WDR70: variants seen among roughly 807,000 people sequenced by gnomAD.
The protein encoded by WDR70 is WD repeat domain 70, also known as WD repeat-containing protein 70.
Under a neutral mutation model 88.6 loss-of-function variants are expected in WDR70, and 53 were observed. The ratio of observed to expected loss-of-function variants is 0.60; its 90% CI spans 0.48 to 0.75. WDR70 has a LOEUF of 0.75. Ranked by LOEUF, WDR70 falls within the 30% of genes least tolerant of loss-of-function variation. The pLI is 0.00. For synonymous variants in WDR70, 280 were observed against 270.0 expected, an observed-to-expected ratio of 1.04 and a Z score of -0.36; for missense variants, 610 against 823.2, an observed-to-expected ratio of 0.74 and a Z score of 3.17.
chr5:37,699,640 T>C (rs543850820), intron 11 of WDR70, among the ~76,000 whole-genome samples: 3 of 152,130 alleles, frequency 2.0e-5, no homozygotes, highest in Non-Finnish European at 2.9e-5. Context: ...TGGAGATATG[T>C]AACCTTTTTT....
At chr5:37,413,737 A>T (rs2111964437) in intron 5 of WDR70, among the ~76,000 whole-genome samples, 1 of 151,098 alleles carries the variant, frequency 6.6e-6, no homozygotes, top group East Asian at 1.9e-4. Flanking sequence ...AAAAAAAAAA[A>T]GATTCCTATG....
In WDR70 at chr5:37,703,096, A is replaced by G; in HGVS notation, c.1416+9A>G. 2.5e-6 allele frequency: 4 copies of G among 1,597,542 alleles called. No homozygotes were observed. The highest frequency in any genetic ancestry group is 1.1e-5 in the South Asian group (1 of 90,476). Reference sequence around the variant, plus strand: ...TAGACATCACAGATGCGGTACGTATATTCTTTTCTCCTCAGCCTTGAGAAT... The same window carrying G: ...TAGACATCACAGATGCGGTACGTATGTTCTTTTCTCCTCAGCCTTGAGAAT... On this transcript the variant is annotated intron_variant, in intron 13 of 17. Transcript: ENST00000265107.
intron 4 of WDR70, among the ~76,000 whole-genome samples, chr5:37,394,391 G>A (rs1748945250): frequency 6.6e-6 from 1 of 151,672 alleles, no homozygotes; most frequent in Non-Finnish European, 1.5e-5. Flanking sequence ...ATATAAATTT[G>A]TTTAGTCATT....
chr5:37,699,354 A>C (rs1747075942), intron 11 of WDR70, among the ~76,000 whole-genome samples: 1 of 145,174 alleles, frequency 6.9e-6, no homozygotes, highest in Non-Finnish European at 1.5e-5. Context: ...ACACACACAC[A>C]CACACAGTGT....
At chr5:37,449,403 CCAACATGGT>C (rs1738593639) in intron 7 of WDR70, among the ~76,000 whole-genome samples, 1 of 151,842 alleles carries the variant, frequency 6.6e-6, no homozygotes, top group Admixed American at 6.6e-5. Context: ...ACCAGCCTGG[CCAACATGGT>C]GAAACCCCGT....
Position 37,639,343 on chromosome 5 carries a change from ATT to A in WDR70, c.1092+34106_1092+34107del, listed in dbSNP as rs796415565. 6.6e-5 allele frequency among the ~76,000 whole-genome samples: 10 copies of A among 152,318 alleles called. 1 individual carries two copies. The South Asian group carries it at 2.1e-3, about 32-fold the overall frequency. ...TCGTCAAAACTTACCTCAAAGTTTT[ATT>A]GTAGTCAGTTAGCAGTCTATAAAAG... On this transcript the variant is annotated intron_variant, in intron 10 of 17. Transcript: ENST00000265107.
chr5:37,680,881 G>C (rs1490703771), intron 10 of WDR70, among the ~76,000 whole-genome samples: 1 of 152,154 alleles, frequency 6.6e-6, no homozygotes, highest in Non-Finnish European at 1.5e-5. Flanking sequence ...GGCTATTCAT[G>C]CTCTTTTTTG....
intron 10 of WDR70, among the ~76,000 whole-genome samples, chr5:37,653,051 G>T (rs572513547): frequency 6.6e-6 from 1 of 151,996 alleles, no homozygotes; most frequent in African/African-American, 2.4e-5. Flanking sequence ...GCTTTTTCCC[G>T]TTCAGTGTGA....
At chr5:37,567,696 T>TA (rs1385105218) in intron 9 of WDR70, among the ~76,000 whole-genome samples, 3 of 150,564 alleles carry the variant, frequency 2.0e-5, no homozygotes, top group East Asian at 4.0e-4. Context: ...GTAGTCATCA[T>TA]AAAAAAAAGG....
At chr5:37,547,614 A>C (rs1199099166) in intron 9 of WDR70, among the ~76,000 whole-genome samples, 1 of 152,202 alleles carries the variant, frequency 6.6e-6, no homozygotes, top group Non-Finnish European at 1.5e-5. Flanking sequence ...CTGTCACCTC[A>C]AGCATTTATC....
At chr5:37,677,251 T>C (rs1270777679) in intron 10 of WDR70, among the ~76,000 whole-genome samples, 2 of 152,060 alleles carry the variant, frequency 1.3e-5, no homozygotes, top group East Asian at 3.9e-4. Context: ...CTGCTCTGAT[T>C]TTAGTTATTT....
intron 11 of WDR70, 28 bp from the exon 12 acceptor site, chr5:37,701,030 C>CT (rs750429562): frequency 6.7e-5 from 97 of 1,457,398 alleles, no homozygotes; most frequent in South Asian, 2.3e-4. Context: ...ACTTTTCTGT[C>CT]TTTTTTTTCC....
intron 3 of WDR70, among the ~76,000 whole-genome samples, chr5:37,382,450 T>C (rs542920038): frequency 6.6e-6 from 1 of 151,790 alleles, no homozygotes; most frequent in African/African-American, 2.4e-5. Flanking sequence ...TCTCGCTTTA[T>C]TGCTGGGCTG....
chr5:37,463,541 A>G (rs192823257), intron 7 of WDR70, among the ~76,000 whole-genome samples: 3 of 152,016 alleles, frequency 2.0e-5, no homozygotes, highest in Admixed American at 6.6e-5. Context: ...ATTCCCTTCC[A>G]CTTCTACTCA....
intron 9 of WDR70, among the ~76,000 whole-genome samples, chr5:37,529,893 C>T (rs1466568519): frequency 6.6e-6 from 1 of 152,112 alleles, no homozygotes; most frequent in Non-Finnish European, 1.5e-5. Context: ...GCATCCTTGT[C>T]TTGTTTCAGT....
intron 10 of WDR70, among the ~76,000 whole-genome samples, chr5:37,695,813 A>G (rs1746964313): frequency 6.6e-6 from 1 of 152,154 alleles, no homozygotes; most frequent in African/African-American, 2.4e-5. Context: ...CTTTGACCAT[A>G]TAAGGTATTC....
At position 37,525,071 on chromosome 5, in the gene WDR70, G is replaced by A. The variant is rs187119932; in HGVS notation, c.917+8481G>A. ...CACTGTCAATATTAGATAGATCAACGAGACAGCAAGTTAAAAAGGATATCC... is the reference window on the plus strand; with the variant it reads ...CACTGTCAATATTAGATAGATCAACAAGACAGCAAGTTAAAAAGGATATCC... On this transcript the variant is annotated intron_variant, in intron 9 of 17. Coordinates refer to ENST00000265107, the MANE Select transcript of WDR70 (RefSeq NM_018034.4). Among the ~76,000 whole-genome samples the A allele has an allele frequency of 4.5e-4, 69 of 152,148 alleles. No individual in the cohort carries two copies. In the East Asian group the frequency reaches 0.012, roughly 26 times the overall value.
intron 4 of WDR70, among the ~76,000 whole-genome samples, chr5:37,395,773 C>G (rs1431847336): frequency 6.6e-6 from 1 of 151,910 alleles, no homozygotes; most frequent in African/African-American, 2.4e-5. Flanking sequence ...CCTTGTTCAC[C>G]TCTTTTTAAA....
chr5:37,645,665 A>C (rs955313996), intron 10 of WDR70, among the ~76,000 whole-genome samples: 1 of 152,066 alleles, frequency 6.6e-6, no homozygotes, highest in African/African-American at 2.4e-5. Flanking sequence ...TGTTGGGTGC[A>C]TATATATTTA....
Sources: gnomAD v4.1 joint callset for allele counts (sites outside exome capture counted in the v4.1 genomes callset) on GRCh38, gnomAD v4.1.1 for gene constraint, MANE v1.5 for transcripts, NCBI Gene and HGNC (gene_info 2026-07-23, HGNC 2026-07-21) for gene names.